FAM169A: variants seen among roughly 807,000 people sequenced by gnomAD.
FAM169A encodes the protein soluble lamin-associated protein of 75 kDa.
A neutral mutation model predicts 75.7 loss-of-function variants in FAM169A; 24 were observed. The observed-to-expected ratio is 0.32, with a 90% CI of 0.23 to 0.45. FAM169A has a LOEUF of 0.45. Among genes scored for constraint, FAM169A ranks in the 20% least tolerant of loss-of-function variants. The pLI, the probability that FAM169A is intolerant of heterozygous loss-of-function variation, is 1.00. For synonymous variants in FAM169A, 271 were observed against 271.0 expected (o/e 1.00, Z 0.00); for missense variants, 673 against 784.0 (o/e 0.86, Z 1.69).
Position 74,841,482 on chromosome 5 carries a change from A to G in FAM169A, c.132+63T>C, listed in dbSNP as rs575552648. The G allele has an allele frequency of 2.3e-4, 284 of 1,256,054 alleles. 3 individuals carry two copies. In the Middle Eastern group the frequency reaches 0.013, roughly 56 times the overall value. 77.8% of individuals were successfully genotyped at this position (1,256,054 alleles called of 1,614,324 possible). A position where few individuals can be genotyped will look rare whatever the true frequency, so the allele number is the denominator to read the frequency against. ...CTTAAAATGATTTTTTTAAAAAAGG[A>G]TATTTATTTCATGTATAAACTGAAC... On this transcript the variant is annotated intron_variant, in intron 2 of 12. Transcript: ENST00000687041.
At chr5:74,798,892 G>A (rs1312049775) in intron 10 of FAM169A, 1 of 609,780 alleles carries the variant, frequency 1.6e-6, no homozygotes, top group Non-Finnish European at 3.0e-6. Context: ...ACTGACTAGA[G>A]CCCTGTTCAC....
chr5:74,802,263 T>C (rs969983414), intron 8 of FAM169A, among the ~76,000 whole-genome samples: 2 of 152,088 alleles, frequency 1.3e-5, no homozygotes, highest in Non-Finnish European at 2.9e-5. Context: ...TTTAGTCTCT[T>C]GAACCAACTA....
At chr5:74,858,296 G>C (rs1200253367) in intron 1 of FAM169A, among the ~76,000 whole-genome samples, 1 of 152,122 alleles carries the variant, frequency 6.6e-6, no homozygotes, top group Admixed American at 6.5e-5. Context: ...GCTGAGGCAA[G>C]AGAATTGCTT....
intron 11 of FAM169A, among the ~76,000 whole-genome samples, chr5:74,787,494 G>A (rs1241169589): frequency 6.6e-6 from 1 of 152,176 alleles, no homozygotes; most frequent in African/African-American, 2.4e-5. Context: ...ATATACCCTT[G>A]ACCGATGCTT....
Position 74,786,617 on chromosome 5 carries a change from CTAAGTTCACTGGACAAAGTGATGAA to C in FAM169A, c.1261-3508_1261-3484del, listed in dbSNP as rs568440017. On this transcript the variant is annotated intron_variant, in intron 11 of 12. Transcript: ENST00000687041. ...ACATAATGAAGTTAGTTGGCTGCTC[CTAAGTTCACTGGACAAAGTGATGAA>C]AGACAATGATGAACTCAGGGATTCT... Among the ~76,000 whole-genome samples, 18 of 152,272 alleles carry C rather than the reference CTAAGTTCACTGGACAAAGTGATGAA, an allele frequency of 1.2e-4. No homozygotes were observed. In the East Asian group the frequency reaches 3.5e-3, roughly 29 times the overall value.
chr5:74,808,733 C>T (rs1168980261), intron 6 of FAM169A, among the ~76,000 whole-genome samples: 1 of 152,108 alleles, frequency 6.6e-6, no homozygotes, highest in Non-Finnish European at 1.5e-5. Context: ...AAAATAAACA[C>T]TAACTTCAGG....
At chr5:74,850,876 CT>C (rs1029646721) in intron 1 of FAM169A, among the ~76,000 whole-genome samples, 2 of 152,008 alleles carry the variant, frequency 1.3e-5, no homozygotes, top group African/African-American at 4.8e-5. Flanking sequence ...CAAACCACTT[CT>C]TTTTTTGAAA....
intron 12 of FAM169A, among the ~76,000 whole-genome samples, 197 bp downstream of exon 12, chr5:74,782,734 C>A (rs1745473692): frequency 6.6e-6 from 1 of 152,058 alleles, no homozygotes; most frequent in African/African-American, 2.4e-5. Context: ...TACCACATAT[C>A]AGATATGAAT....
intron 1 of FAM169A, chr5:74,865,519 C>CGTTT: frequency 6.6e-6 from 1 of 152,342 alleles, no homozygotes; most frequent in African/African-American, 2.4e-5. Context: ...GAGCCATAAA[C>CGTTT]CACCCAGGGT....
chr5:74,782,322 T>A (rs993967295), intron 12 of FAM169A, among the ~76,000 whole-genome samples: 7 of 152,160 alleles, frequency 4.6e-5, no homozygotes, highest in Non-Finnish European at 1.0e-4. Flanking sequence ...TCAACTCAGT[T>A]TTTTTAGTTT....
rs778341984 is a variant in FAM169A at position 74,814,157 on chromosome 5, TA to T, written c.491-139del. 61 of 552,710 alleles carry T rather than the reference TA, an allele frequency of 1.1e-4. No individual in the cohort carries two copies. In the South Asian group the frequency reaches 2.5e-3, roughly 23 times the overall value. The allele number at this position is 552,710 out of a possible 1,614,324, so 34.2% of individuals were successfully genotyped here. A position where few individuals can be genotyped will look rare whatever the true frequency, so the allele number is the denominator to read the frequency against. ...CGTTAAATATATAAATGTTATAATA[TA>T]AAGTGTTTTTCAGCTACTATTAGAC... On this transcript the variant is annotated intron_variant, in intron 5 of 12. Coordinates refer to ENST00000687041, the MANE Select transcript of FAM169A (RefSeq NM_001376049.1).
At chr5:74,850,047 T>A (rs1332534971) in intron 1 of FAM169A, among the ~76,000 whole-genome samples, 1 of 152,216 alleles carries the variant, frequency 6.6e-6, no homozygotes, top group Non-Finnish European at 1.5e-5. Flanking sequence ...TTTGAAGTTA[T>A]AACCACTAAT....
In FAM169A at chr5:74,844,504, C is replaced by A. The variant is rs188400183; in HGVS notation, c.-3-2825G>T. ...GAAAAGAAAAGAAAAGAAAAATTTC[C>A]ATGATAAAAAATTAAATAAAAAATA... On this transcript the variant is annotated intron_variant, in intron 1 of 12. Coordinates refer to ENST00000687041, the MANE Select transcript of FAM169A (RefSeq NM_001376049.1). Among the ~76,000 whole-genome samples, 1,062 of 151,912 alleles carry A rather than the reference C, an allele frequency of 7.0e-3. 6 individuals are homozygous for A. The highest frequency in any genetic ancestry group is 0.012 in the Non-Finnish European group (802 of 67,918).
chr5:74,783,265 G>A (rs1745503142), intron 11 of FAM169A, 131 bp from the exon 12 acceptor site: 2 of 632,272 alleles, frequency 3.2e-6, no homozygotes, highest in Non-Finnish European at 5.5e-6. Flanking sequence ...TAGGACATGG[G>A]TTAAAGAACA....
At chr5:74,848,476 C>T (rs1749271023) in intron 1 of FAM169A, among the ~76,000 whole-genome samples, 2 of 152,022 alleles carry the variant, frequency 1.3e-5, no homozygotes, top group Admixed American at 1.3e-4. Flanking sequence ...GTCATGGTTA[C>T]ATAACATTTT....
At chr5:74,805,523 G>GC (rs1230516082) in intron 6 of FAM169A, among the ~76,000 whole-genome samples, 6 of 105,624 alleles carry the variant, frequency 5.7e-5, no homozygotes, top group South Asian at 6.0e-4. Flanking sequence ...AATGTGCTTC[G>GC]CTTTTTTTTT....
intron 10 of FAM169A, chr5:74,799,916 G>A: frequency 1.1e-6 from 1 of 887,686 alleles, no homozygotes; most frequent in South Asian, 1.3e-5. Flanking sequence ...ACACGGACAA[G>A]AGGGCCACGA....
At chr5:74,854,764 A>G (rs1188007369) in intron 1 of FAM169A, among the ~76,000 whole-genome samples, 1 of 152,164 alleles carries the variant, frequency 6.6e-6, no homozygotes, top group Non-Finnish European at 1.5e-5. Flanking sequence ...AGTTCCATCC[A>G]TGTTGTTGCA....
In FAM169A at chr5:74,781,908, GCTTT is replaced by G; in HGVS notation, c.1561_1564del (p.Lys521HisfsTer26). The stretch of plus-strand genomic sequence containing the variant: ...AACATTGTCTGAACTCCCAAGATGT[GCTTT>G]CTTTCTTGGAAGTAGGGACAATTTC... On this transcript the variant is annotated frameshift_variant, in exon 13 of 13. Transcript: ENST00000687041. LOFTEE classifies it high-confidence loss of function. 2 of 1,613,828 alleles carry G rather than the reference GCTTT, an allele frequency of 1.2e-6. No homozygotes were observed. Among genetic ancestry groups the G allele is most frequent in the Non-Finnish European group, 1.7e-6 (2 of 1,179,786 alleles).
Sources: allele counts gnomAD v4.1 joint callset (sites outside exome capture counted in the v4.1 genomes callset), GRCh38; gene constraint gnomAD v4.1.1; transcripts MANE v1.5; gene names NCBI Gene and HGNC (gene_info 2026-07-23, HGNC 2026-07-21).